ELK3: variants seen among roughly 807,000 people sequenced by gnomAD.
ELK3 encodes the protein ETS transcription factor ELK3.
Under a neutral mutation model 28.9 loss-of-function variants are expected in ELK3, and 10 were observed. The ratio of observed to expected loss-of-function variants is 0.35; its 90% CI spans 0.21 to 0.59. ELK3 has a LOEUF of 0.59. Ranked by LOEUF, ELK3 falls within the 20% of genes least tolerant of loss-of-function variation. ELK3 has a pLI of 0.82. For synonymous variants in ELK3, 272 were observed against 243.5 expected (o/e 1.12, Z -1.09); for missense variants, 463 against 517.3 (o/e 0.90, Z 1.02).
intron 1 of ELK3, among the ~76,000 whole-genome samples, chr12:96,220,372 C>T (rs1437143615): frequency 7.1e-6 from 1 of 140,456 alleles, no homozygotes; most frequent in Admixed American, 7.4e-5. Context: ...TAGTAGCATA[C>T]TTTTTCGTGA....
chr12:96,225,120 T>C (rs146667126), intron 2 of ELK3, among the ~76,000 whole-genome samples: 1 of 152,364 alleles, frequency 6.6e-6, no homozygotes, highest in African/African-American at 2.4e-5. Context: ...AGATGGCTTA[T>C]TGTTTTGCGT....
At position 96,269,443 on chromosome 12, in the gene ELK3, T is replaced by C. The variant is rs1952068250; in HGVS notation, c.*2263T>C. On this transcript the variant is annotated 3_prime_UTR_variant, in exon 5 of 5. Transcript: ENST00000228741. ...TTTGGAAACTGGGATTAATGTATGC[T>C]CTAGATCCATTTATTAGAAATGCAA... 1 of 152,220 alleles carries C rather than the reference T, an allele frequency of 6.6e-6. No homozygotes were observed. Among genetic ancestry groups the C allele is most frequent in the Admixed American group, 6.5e-5 (1 of 15,284 alleles). The allele number at this position is 152,220 out of a possible 1,614,324, so 9.4% of individuals were successfully genotyped here.
intron 3 of ELK3, among the ~76,000 whole-genome samples, chr12:96,257,049 T>C (rs1281689432): frequency 6.6e-6 from 1 of 152,226 alleles, no homozygotes; most frequent in African/African-American, 2.4e-5. Context: ...AGGAGCTCCT[T>C]ATCTGCCATG....
At chr12:96,201,224 A>G (rs1255196273) in intron 1 of ELK3, among the ~76,000 whole-genome samples, 2 of 152,196 alleles carry the variant, frequency 1.3e-5, no homozygotes, top group East Asian at 1.9e-4. Context: ...ACCAAAAGTA[A>G]TATGTGTGCT....
At chr12:96,226,915 AG>A (rs1292707849) in intron 2 of ELK3, among the ~76,000 whole-genome samples, 9 of 152,370 alleles carry the variant, frequency 5.9e-5, no homozygotes, top group South Asian at 2.1e-4. Flanking sequence ...CATGTCAAAA[AG>A]AGATGACGAA....
At chr12:96,209,142 T>G (rs1464714315) in intron 1 of ELK3, among the ~76,000 whole-genome samples, 3 of 152,252 alleles carry the variant, frequency 2.0e-5, no homozygotes, top group Non-Finnish European at 2.9e-5. Context: ...AGACGTGATG[T>G]TAAAGGCCAT....
intron 3 of ELK3, among the ~76,000 whole-genome samples, chr12:96,249,676 G>A (rs893031850): frequency 2.9e-5 from 1 of 34,678 alleles, no homozygotes; most frequent in Non-Finnish European, 6.7e-5. Context: ...TGTGTTCCCT[G>A]GGAGCCTGGA....
chr12:96,228,785 G>C (rs1195571002), intron 2 of ELK3, among the ~76,000 whole-genome samples: 1 of 152,178 alleles, frequency 6.6e-6, no homozygotes, highest in African/African-American at 2.4e-5. Context: ...TGTATCCAGA[G>C]CCCTCGAGGT....
intron 2 of ELK3, among the ~76,000 whole-genome samples, chr12:96,235,550 A>G (rs1279180438): frequency 6.6e-6 from 1 of 152,096 alleles, no homozygotes; most frequent in Non-Finnish European, 1.5e-5. Context: ...CACTCAAGAG[A>G]GGATCCAAGA....
At chr12:96,240,624 G>T (rs1279639481) in intron 2 of ELK3, among the ~76,000 whole-genome samples, 1 of 152,188 alleles carries the variant, frequency 6.6e-6, no homozygotes, top group East Asian at 1.9e-4. Context: ...CAGGGGTTAA[G>T]AAGGGCCTGT....
intron 2 of ELK3, among the ~76,000 whole-genome samples, chr12:96,245,647 G>A (rs1951850121): frequency 6.6e-6 from 1 of 152,106 alleles, no homozygotes; most frequent in Non-Finnish European, 1.5e-5. Context: ...GGATGGTGCT[G>A]GGTTTTTGTG....
intron 2 of ELK3, among the ~76,000 whole-genome samples, chr12:96,227,756 A>G (rs1234076363): frequency 3.9e-5 from 6 of 152,202 alleles, no homozygotes; most frequent in African/African-American, 1.4e-4. Context: ...GCTCCAGCCT[A>G]GATCGTCTGG....
Position 96,209,395 on chromosome 12 carries a change from A to T in ELK3, c.-2-14170A>T, listed in dbSNP as rs1951561647. On this transcript the variant is annotated intron_variant, in intron 1 of 4. Transcript: ENST00000228741. ...AAAGATTTTACAGTTTCAACACAAT[A>T]GAAGAGTTGGAGGATGCTCTGGCAG... Among the ~76,000 whole-genome samples, 5 of 152,216 alleles carry T rather than the reference A, an allele frequency of 3.3e-5. No individual in the cohort carries two copies. In the South Asian group the frequency reaches 1.0e-3, roughly 31 times the overall value.
chr12:96,234,384 G>A (rs571116342), intron 2 of ELK3, among the ~76,000 whole-genome samples: 3 of 152,296 alleles, frequency 2.0e-5, no homozygotes, highest in Admixed American at 6.5e-5. Flanking sequence ...CCGAGTCTGC[G>A]TTTGCCAGCA....
chr12:96,247,729 G>C lies in ELK3; in HGVS notation c.997G>C (p.Ala333Pro), dbSNP rs375459689. Residue 333 changes from alanine to proline, a missense_variant, in exon 3 of 5, where the codon GCA becomes CCA. By Grantham distance (27) the Ala-to-Pro change is conservative. Around this residue, in one of 2 missense-constraint regions of ELK3, gnomAD observed 408 missense variants for 414.8 expected, o/e 0.98. Transcript: ENST00000228741. This position sits in a 1 kb window ranked among gnomAD's most constrained non-coding sequence, Gnocchi z 5.5. ...SGSLTPAFFTAQTPNGLLLTP... is the reference protein window; with the variant it reads ...SGSLTPAFFTPQTPNGLLLTP... ...ATCCCTCACCCCAGCCTTCTTCACC[G>C]CACAGGTAAGAGTCATTCCTGTCAT... 1 of 1,567,730 alleles carries C rather than the reference G, an allele frequency of 6.4e-7. No homozygotes were observed. The highest frequency in any genetic ancestry group is 8.6e-7 in the Non-Finnish European group (1 of 1,158,494).
intron 3 of ELK3, among the ~76,000 whole-genome samples, chr12:96,256,222 A>AC (rs1207505265): frequency 6.6e-6 from 1 of 152,020 alleles, no homozygotes; most frequent in Non-Finnish European, 1.5e-5. Context: ...TAAACAGGAG[A>AC]CTGAGTTGTG....
chr12:96,219,637 C>T (rs938118912), intron 1 of ELK3, among the ~76,000 whole-genome samples: 1 of 152,314 alleles, frequency 6.6e-6, no homozygotes, highest in East Asian at 1.9e-4. Flanking sequence ...CAGACAACCA[C>T]GCATTTTCAT....
intron 3 of ELK3, among the ~76,000 whole-genome samples, chr12:96,259,099 G>A (rs1951973447): frequency 6.6e-6 from 1 of 152,146 alleles, no homozygotes; most frequent in Non-Finnish European, 1.5e-5. Context: ...TATTTTGTTT[G>A]TATACTAATC....
intron 1 of ELK3, among the ~76,000 whole-genome samples, chr12:96,205,973 T>G (rs1231843198): frequency 1.3e-5 from 2 of 152,214 alleles, no homozygotes; most frequent in African/African-American, 4.8e-5. Context: ...GTGTATTACT[T>G]TAATGACAAA....
Sources: allele counts gnomAD v4.1 joint callset (sites outside exome capture counted in the v4.1 genomes callset), GRCh38; gene constraint gnomAD v4.1.1; regional missense constraint gnomAD v4.1.1; non-coding constraint Gnocchi (gnomAD v3.1); transcripts MANE v1.5; gene names NCBI Gene and HGNC (gene_info 2026-07-23, HGNC 2026-07-21).